The following KBTBD11 variants were observed in gnomAD, a reference collection of about 807,000 sequenced individuals.
KBTBD11 encodes the protein kelch repeat and BTB domain-containing protein 11.
For synonymous variants in KBTBD11, 747 were observed against 499.0 expected (o/e 1.50, Z -6.63); for missense variants, 1,390 against 1,001.8 (o/e 1.39, Z -5.23).
rs976090884 is a variant in KBTBD11, at chr8:2,004,839, C to T, written c.*1775C>T. The T allele has an allele frequency of 6.0e-6, 1 of 166,976 alleles. No homozygotes were observed. Among genetic ancestry groups the T allele is most frequent in the African/African-American group, 2.4e-5 (1 of 41,410 alleles). 10.3% of individuals were successfully genotyped at this position (166,976 alleles called of 1,614,324 possible). The stretch of plus-strand genomic sequence containing the variant: ...AAACAGTATTTACAGCAAAAGGAAA[C>T]AAATAATGTTCATTTTAAGCAATGT... On this transcript the variant is annotated 3_prime_UTR_variant, in exon 2 of 2. Coordinates refer to ENST00000320248, the MANE Select transcript of KBTBD11 (RefSeq NM_014867.3).
chr8:1,998,704 T>G (rs1207668403), intron 1 of KBTBD11, among the ~76,000 whole-genome samples: 3 of 152,246 alleles, frequency 2.0e-5, no homozygotes, highest in Admixed American at 6.5e-5. Flanking sequence ...GACAGCCAGT[T>G]CTCAGATTTT....
At chr8:1,977,426 C>A (rs941335194) in intron 1 of KBTBD11, among the ~76,000 whole-genome samples, 1 of 152,160 alleles carries the variant, frequency 6.6e-6, no homozygotes, top group African/African-American at 2.4e-5. Context: ...CTGGCCACCT[C>A]CATCTCATGC....
rs561562641 is a variant in KBTBD11 at position 2,001,849 on chromosome 8, C to G, written c.657C>G (p.Ala219=). Residue 219 remains alanine (A), a synonymous_variant, in exon 2 of 2, where the codon GCC becomes GCG. Coordinates refer to ENST00000320248, the MANE Select transcript of KBTBD11 (RefSeq NM_014867.3). Reference sequence around the variant, plus strand: ...CGCGCCGCCTGCAGCTGCCCGGCGCCGCGCAGCGCGCCACCGACGCCGTGG... The same window carrying G: ...CGCGCCGCCTGCAGCTGCCCGGCGCGGCGCAGCGCGCCACCGACGCCGTGG... ...AGARRLQLPG[A]AQRATDAVGP... The G allele has an allele frequency of 1.8e-5, 23 of 1,248,258 alleles. No individual in the cohort carries two copies. Among genetic ancestry groups the G allele is most frequent in the Non-Finnish European group, 2.2e-5 (22 of 994,984 alleles). The allele number at this position is 1,248,258 out of a possible 1,614,324, so 77.3% of individuals were successfully genotyped here. A position where few individuals can be genotyped will look rare whatever the true frequency, so the allele number is the denominator to read the frequency against.
chr8:1,988,197 T>C (rs1816765580), intron 1 of KBTBD11, among the ~76,000 whole-genome samples: 1 of 152,348 alleles, frequency 6.6e-6, no homozygotes, highest in Non-Finnish European at 1.5e-5. Context: ...AACATACGTG[T>C]GCATGTGTCT....
At chr8:1,994,255 G>A (rs985332427) in intron 1 of KBTBD11, among the ~76,000 whole-genome samples, 9 of 151,492 alleles carry the variant, frequency 5.9e-5, no homozygotes, top group Admixed American at 2.0e-4. Flanking sequence ...GAGCGAGGCC[G>A]GGCCTGCCCC....
intron 1 of KBTBD11, among the ~76,000 whole-genome samples, chr8:1,998,436 A>G (rs1032380572): frequency 6.6e-6 from 1 of 152,228 alleles, no homozygotes; most frequent in African/African-American, 2.4e-5. Flanking sequence ...AGGACTTTGC[A>G]GGGCAGAGTT....
intron 1 of KBTBD11, among the ~76,000 whole-genome samples, chr8:1,983,581 T>G (rs1816611617): frequency 6.6e-6 from 1 of 152,218 alleles, no homozygotes; most frequent in Admixed American, 6.5e-5. Context: ...TGGTGGCACC[T>G]CCATGAGGGT....
chr8:1,979,328 G>A (rs902808006), intron 1 of KBTBD11, among the ~76,000 whole-genome samples: 21 of 152,200 alleles, frequency 1.4e-4, no homozygotes, highest in Admixed American at 1.4e-3. Flanking sequence ...TGTTAATCAT[G>A]TCTTTAAAAA....
At chr8:1,978,540 G>C (rs1816428685) in intron 1 of KBTBD11, among the ~76,000 whole-genome samples, 1 of 152,232 alleles carries the variant, frequency 6.6e-6, no homozygotes, top group African/African-American at 2.4e-5. Context: ...CCTGTGTGTT[G>C]AGTCAGGGTC....
chr8:1,975,853 C>G (rs1816321068), intron 1 of KBTBD11: 4 of 152,310 alleles, frequency 2.6e-5, no homozygotes, highest in African/African-American at 4.8e-5. Flanking sequence ...TTTGTAAACT[C>G]CAATACAAAC....
chr8:1,998,944 G>C (rs1407366226), intron 1 of KBTBD11, among the ~76,000 whole-genome samples: 1 of 152,180 alleles, frequency 6.6e-6, no homozygotes, highest in Non-Finnish European at 1.5e-5. Context: ...ATGGGGGCCT[G>C]GGGTGAGCAC....
At position 2,005,159 on chromosome 8, in the gene KBTBD11, T is replaced by C. The variant is rs1243299962; in HGVS notation, c.*2095T>C. 1 of 167,104 alleles carries C rather than the reference T, an allele frequency of 6.0e-6. No homozygotes were observed. The highest frequency in any genetic ancestry group is 2.4e-5 in the African/African-American group (1 of 41,474). 10.4% of individuals were successfully genotyped at this position (167,104 alleles called of 1,614,324 possible). A position where few individuals can be genotyped will look rare whatever the true frequency, so the allele number is the denominator to read the frequency against. ...GCGGTTCCCATGGCTTTCCAGCGTTTCATTTAGTGAAGGAATGCTCACACT... is the reference window on the plus strand; with the variant it reads ...GCGGTTCCCATGGCTTTCCAGCGTTCCATTTAGTGAAGGAATGCTCACACT... On this transcript the variant is annotated 3_prime_UTR_variant, in exon 2 of 2. Coordinates refer to ENST00000320248, the MANE Select transcript of KBTBD11 (RefSeq NM_014867.3).
intron 1 of KBTBD11, among the ~76,000 whole-genome samples, chr8:1,990,040 T>G (rs1049589283): frequency 6.6e-6 from 1 of 151,534 alleles, no homozygotes; most frequent in Non-Finnish European, 1.5e-5. Flanking sequence ...TTCAGTCTTC[T>G]GAGACTACAA....
chr8:2,002,040 T>G lies in KBTBD11; in HGVS notation c.848T>G (p.Leu283Arg), dbSNP rs774820255. The part of the protein sequence containing the change: ...FGRLSGAERD[L>R]LLRRRLRAGR... The stretch of plus-strand genomic sequence containing the variant: ...CGCCTGTCGGGCGCAGAGCGGGACC[T>G]GCTGCTGCGCCGCCGCCTGCGCGCC... Residue 283 changes from leucine to arginine, a missense_variant, in exon 2 of 2, where the codon CTG (leucine) becomes CGG (arginine). Physicochemically the swap from Leu to Arg is moderately radical, Grantham distance 102 (BLOSUM62 -2). Transcript: ENST00000320248. This position sits in a 1 kb window ranked among gnomAD's most constrained non-coding sequence, Gnocchi z 4.1. The G allele has an allele frequency of 3.1e-6, 4 of 1,280,440 alleles. No homozygotes were observed. The highest frequency in any genetic ancestry group is 2.0e-6 in the Non-Finnish European group (2 of 1,004,166). 79.3% of individuals were successfully genotyped at this position (1,280,440 alleles called of 1,614,324 possible).
chr8:1,984,467 T>TTAGTAGA (rs1308781656), intron 1 of KBTBD11, among the ~76,000 whole-genome samples: 1 of 151,892 alleles, frequency 6.6e-6, no homozygotes, highest in African/African-American at 2.4e-5. Flanking sequence ...TTTTGTGTTT[T>TTAGTAGA]TAGTAGAGAC....
At chr8:1,988,464 G>C (rs1816773146) in intron 1 of KBTBD11, among the ~76,000 whole-genome samples, 1 of 152,176 alleles carries the variant, frequency 6.6e-6, no homozygotes, top group Admixed American at 6.5e-5. Flanking sequence ...GTTTTGATTT[G>C]CATTTCTCTG....
Position 1,996,273 on chromosome 8 carries a change from A to AT in KBTBD11, c.-908-4001dup, listed in dbSNP as rs908983622. Among the ~76,000 whole-genome samples, 126 of 148,058 alleles carry AT rather than the reference A, an allele frequency of 8.5e-4. 2 individuals carry two copies. In the East Asian group the frequency reaches 0.011, roughly 13 times the overall value. On this transcript the variant is annotated intron_variant, in intron 1 of 1. Transcript: ENST00000320248. ...CAATGCGTGTAGGACGCTGGAAGGA[A>AT]TTTTTTTTTTTGGACGGGGTTTCAC...
Position 2,001,294 on chromosome 8 carries a change from C to T in KBTBD11, c.102C>T (p.Pro34=). 1.3e-6 allele frequency: 2 copies of T among 1,525,556 alleles called. No individual in the cohort carries two copies. The highest frequency in any genetic ancestry group is 3.9e-5 in the Admixed American group (2 of 51,906). The allele number at this position is 1,525,556 out of a possible 1,614,324, so 94.5% of individuals were successfully genotyped here. A position where few individuals can be genotyped will look rare whatever the true frequency, so the allele number is the denominator to read the frequency against. The change falls in exon 2 of 2, where the codon CCC becomes CCT. Residue 34 remains proline, a synonymous_variant. Transcript: ENST00000320248. The part of the protein sequence containing the change: ...SEGAASPAQT[P]CSLGASLCFS... ...GCGCCGCGTCCCCGGCGCAGACACC[C>T]TGCAGTCTCGGCGCGTCCCTGTGCT...
rs1427521819 is a variant in KBTBD11 at position 1,973,975 on chromosome 8, G to C, written c.-909+40G>C. On this transcript the variant is annotated intron_variant, in intron 1 of 1. Transcript: ENST00000320248. ...GGGGAGGCAGCGGCGGGGCCTGGCG[G>C]GCGGAGCGGGAAGCAGCCCGAGGCG... 2.9e-5 allele frequency: 29 copies of C among 983,148 alleles called. No individual in the cohort carries two copies. In the East Asian group the frequency reaches 2.9e-3, roughly 97 times the overall value. The allele number at this position is 983,148 out of a possible 1,614,324, so 60.9% of individuals were successfully genotyped here. A position where few individuals can be genotyped will look rare whatever the true frequency, so the allele number is the denominator to read the frequency against.
Sources: allele counts gnomAD v4.1 joint callset (sites outside exome capture counted in the v4.1 genomes callset), GRCh38; gene constraint gnomAD v4.1.1; non-coding constraint Gnocchi (gnomAD v3.1); transcripts MANE v1.5; gene names NCBI Gene and HGNC (gene_info 2026-07-23, HGNC 2026-07-21).